RASSF5: variants seen among roughly 807,000 people sequenced by gnomAD.
The protein encoded by RASSF5 is Ras association domain family member 5, also known as ras association domain-containing protein 5.
RASSF5 carries 25 observed loss-of-function variants against 40.5 expected under a neutral mutation model. The observed-to-expected ratio is 0.62, with a 90% CI of 0.45 to 0.86. RASSF5 has a LOEUF of 0.86. Ranked by LOEUF, RASSF5 falls within the 40% of genes least tolerant of loss-of-function variation. The pLI is 0.00. For synonymous variants in RASSF5, 246 were observed against 252.4 expected, an observed-to-expected ratio of 0.97 and a Z score of 0.24; for missense variants, 521 against 572.8, an observed-to-expected ratio of 0.91 and a Z score of 0.92.
At chr1:206,533,770 A>G (rs1030730950) in intron 1 of RASSF5, among the ~76,000 whole-genome samples, 3 of 152,102 alleles carry the variant, frequency 2.0e-5, no homozygotes, top group South Asian at 2.1e-4. Context: ...AAGAAAAAAA[A>G]AAGTTCTAAC....
At chr1:206,559,941 T>G (rs1668092879) in intron 2 of RASSF5, among the ~76,000 whole-genome samples, 1 of 152,188 alleles carries the variant, frequency 6.6e-6, no homozygotes, top group African/African-American at 2.4e-5. Context: ...TCTTTCATTC[T>G]TCTAGGTGCC....
chr1:206,577,879 G>C (rs1553405459), intron 2 of RASSF5, among the ~76,000 whole-genome samples: 1 of 152,170 alleles, frequency 6.6e-6, no homozygotes, highest in African/African-American at 2.4e-5. Flanking sequence ...TCATTAAAGA[G>C]CTTTAGTCTA....
chr1:206,583,058 T>G (rs1553406677), intron 2 of RASSF5: 1 of 503,932 alleles, frequency 2.0e-6, no homozygotes, highest in African/African-American at 1.9e-5. Flanking sequence ...CTTAGAGAAA[T>G]CTGAGTTACT....
intron 1 of RASSF5, among the ~76,000 whole-genome samples, chr1:206,514,364 G>A (rs1666697366): frequency 6.6e-6 from 1 of 152,224 alleles, no homozygotes; most frequent in Non-Finnish European, 1.5e-5. Context: ...TGGGGCAGAG[G>A]GATCGGGGGG....
At chr1:206,558,809 A>G (rs1553402172) in intron 2 of RASSF5, among the ~76,000 whole-genome samples, 1 of 152,182 alleles carries the variant, frequency 6.6e-6, no homozygotes, top group African/African-American at 2.4e-5. Context: ...TTTCCAGGGC[A>G]CCACTCATGA....
intron 2 of RASSF5, among the ~76,000 whole-genome samples, chr1:206,540,999 T>C (rs1281295376): frequency 6.6e-6 from 1 of 152,170 alleles, no homozygotes; most frequent in Non-Finnish European, 1.5e-5. Context: ...GTTCCAGCAA[T>C]TCTGCCTCAC....
At chr1:206,576,995 G>C (rs1668682225) in intron 2 of RASSF5, among the ~76,000 whole-genome samples, 1 of 145,250 alleles carries the variant, frequency 6.9e-6, no homozygotes, top group Non-Finnish European at 1.5e-5. Context: ...TTTTTTTGTA[G>C]AGACAGGGTC....
In RASSF5 at chr1:206,507,706, C is replaced by A; in HGVS notation, c.104C>A (p.Pro35Gln). 6.7e-7 allele frequency: 1 copy of A among 1,489,006 alleles called. No homozygotes were observed. The highest frequency in any genetic ancestry group is 1.3e-5 in the South Asian group (1 of 78,870). The allele number at this position is 1,489,006 out of a possible 1,614,324, so 92.2% of individuals were successfully genotyped here. A position where few individuals can be genotyped will look rare whatever the true frequency, so the allele number is the denominator to read the frequency against. The change falls in exon 1 of 6, where the codon CCG (proline) becomes CAG (glutamine). Residue 35 changes from proline to glutamine, a missense_variant. Coordinates refer to ENST00000579436, the MANE Select transcript of RASSF5 (RefSeq NM_182663.4). ...AGCCTGAGCGGCCCCGAGCTACCGC[C>A]GCCGCCCCCCGACCGGTCCTCGCGC... is the stretch of plus-strand genomic sequence containing the variant. ...LQSLSGPELP[P>Q]PPPDRSSRLC...
chr1:206,511,921 A>G (rs1307042698), intron 1 of RASSF5, among the ~76,000 whole-genome samples: 1 of 152,108 alleles, frequency 6.6e-6, no homozygotes, highest in African/African-American at 2.4e-5. Flanking sequence ...CTCCTGGGAC[A>G]TTGGCATTGA....
At chr1:206,585,972 C>T (rs553739960) in intron 5 of RASSF5, 1 of 152,410 alleles carries the variant, frequency 6.6e-6, no homozygotes, top group Admixed American at 6.5e-5. Flanking sequence ...GGCATCTGTG[C>T]AGAATATGTT....
At chr1:206,518,483 C>T (rs1338821732) in intron 1 of RASSF5, 11 of 398,544 alleles carry the variant, frequency 2.8e-5, no homozygotes, top group Non-Finnish European at 4.4e-5. Context: ...CGAAGAGCCG[C>T]TCGGTCTCCA....
rs77289634 is a variant in RASSF5 at position 206,555,776 on chromosome 1, G to T, written c.579+17483G>T. Among the ~76,000 whole-genome samples, 12 of 152,350 alleles carry T rather than the reference G, an allele frequency of 7.9e-5. No individual in the cohort carries two copies. The East Asian group carries it at 2.3e-3, about 29-fold the overall frequency. On this transcript the variant is annotated intron_variant, in intron 2 of 5. Transcript: ENST00000579436. ...TTTTGTGCCTGCCAGGCACTCGCAG[G>T]CTTCTGGGAAGAAGACTGTGTGGGA... is the stretch of plus-strand genomic sequence containing the variant.
intron 1 of RASSF5, among the ~76,000 whole-genome samples, chr1:206,537,487 C>A (rs1667446119): frequency 6.6e-6 from 1 of 152,176 alleles, no homozygotes; most frequent in Admixed American, 6.5e-5. Flanking sequence ...TAACTAGAAG[C>A]AGGCAGGGGA....
chr1:206,507,935 G>T lies in RASSF5; in HGVS notation c.333G>T (p.Gln111His). ...RDVRSIFEQPQDPRVPAERGE... is the reference protein window; with the variant it reads ...RDVRSIFEQPHDPRVPAERGE... ...TGCGGAGCATCTTCGAGCAGCCGCA[G>T]GATCCCAGAGTCCCGGCGGAGCGAG... The change falls in exon 1 of 6, where the codon CAG becomes CAT. Residue 111 changes from glutamine (Q) to histidine (H), a missense_variant. By Grantham distance (24) the Gln-to-His change is conservative. This residue lies in a region of RASSF5 where 237 missense variants were observed against 212.0 expected (regional missense o/e 1.12). Coordinates refer to ENST00000579436, the MANE Select transcript of RASSF5 (RefSeq NM_182663.4). 2 of 1,522,704 alleles carry T rather than the reference G, an allele frequency of 1.3e-6. No homozygotes were observed. Among genetic ancestry groups the T allele is most frequent in the African/African-American group, 1.4e-5 (1 of 70,830 alleles). 94.3% of individuals were successfully genotyped at this position (1,522,704 alleles called of 1,614,324 possible).
At chr1:206,541,540 A>G (rs1667544994) in intron 2 of RASSF5, among the ~76,000 whole-genome samples, 1 of 152,156 alleles carries the variant, frequency 6.6e-6, no homozygotes, top group South Asian at 2.1e-4. Flanking sequence ...GCTTTTGTCA[A>G]CCACAGAAAT....
intron 2 of RASSF5, among the ~76,000 whole-genome samples, chr1:206,581,325 C>T (rs782580793): frequency 5.9e-5 from 9 of 152,068 alleles, no homozygotes; most frequent in Non-Finnish European, 8.8e-5. Context: ...AAGCTGGGTG[C>T]GGTGGCTCAC....
chr1:206,577,766 T>G (rs1553405440), intron 2 of RASSF5, among the ~76,000 whole-genome samples: 1 of 152,236 alleles, frequency 6.6e-6, no homozygotes, highest in Non-Finnish European at 1.5e-5. Flanking sequence ...TTTTGTCCAC[T>G]GTAGGCAATA....
intron 2 of RASSF5, among the ~76,000 whole-genome samples, chr1:206,551,951 G>T (rs1258825231): frequency 6.6e-6 from 1 of 152,230 alleles, no homozygotes; most frequent in Admixed American, 6.5e-5. Flanking sequence ...AATAGCTTTT[G>T]TCACTCTGTA....
chr1:206,524,082 A>G (rs1199438523), intron 1 of RASSF5, among the ~76,000 whole-genome samples: 5 of 129,736 alleles, frequency 3.9e-5, no homozygotes, highest in Non-Finnish European at 1.5e-5. Context: ...TATATTTTAT[A>G]TATAATATGT....
Sources: gnomAD v4.1 joint callset for allele counts (sites outside exome capture counted in the v4.1 genomes callset) on GRCh38, gnomAD v4.1.1 for gene constraint, gnomAD v4.1.1 regional missense constraint, MANE v1.5 for transcripts, NCBI Gene and HGNC (gene_info 2026-07-23, HGNC 2026-07-21) for gene names.